Variants in PANX1 observed in about 807,000 individuals in gnomAD.
The protein encoded by PANX1 is pannexin-1.
PANX1 carries 30 observed loss-of-function variants against 38.7 expected under a neutral mutation model. That is an observed-to-expected ratio of 0.78 (90% CI 0.58 to 1.05). PANX1 has a LOEUF of 1.05. Among genes scored for constraint, PANX1 ranks in the 50% least tolerant of loss-of-function variants. The pLI, the probability that PANX1 is intolerant of heterozygous loss-of-function variation, is 0.00. For synonymous variants in PANX1, 230 were observed against 212.2 expected (o/e 1.08, Z -0.73); for missense variants, 551 against 517.2 (o/e 1.07, Z -0.63).
intron 1 of PANX1, among the ~76,000 whole-genome samples, chr11:94,132,230 A>T (rs944603438): frequency 6.6e-6 from 1 of 152,226 alleles, no homozygotes; most frequent in South Asian, 2.1e-4. Flanking sequence ...CACACGTAGG[A>T]CATAAGAATC....
intron 1 of PANX1, among the ~76,000 whole-genome samples, chr11:94,153,260 G>A (rs567068565): frequency 6.6e-6 from 1 of 152,120 alleles, no homozygotes; most frequent in East Asian, 1.9e-4. Context: ...CTTCTTTTAA[G>A]AATTTTTCCC....
At chr11:94,160,151 G>A (rs1947006899) in intron 2 of PANX1, among the ~76,000 whole-genome samples, 1 of 152,056 alleles carries the variant, frequency 6.6e-6, no homozygotes, top group Non-Finnish European at 1.5e-5. Context: ...CTTCAACTAT[G>A]TGGTCAATTT....
intron 2 of PANX1, among the ~76,000 whole-genome samples, chr11:94,164,054 T>A (rs1482007134): frequency 3.3e-5 from 5 of 152,108 alleles, no homozygotes; most frequent in Non-Finnish European, 4.4e-5. Context: ...ATCCTTTGAA[T>A]TTCTGTGGTA....
intron 1 of PANX1, among the ~76,000 whole-genome samples, chr11:94,144,485 C>T (rs1946803953): frequency 6.6e-6 from 1 of 152,170 alleles, no homozygotes; most frequent in Non-Finnish European, 1.5e-5. Flanking sequence ...AGCAGTCTTT[C>T]TGACTCCACA....
chr11:94,136,300 A>C (rs1323657843), intron 1 of PANX1, among the ~76,000 whole-genome samples: 2 of 152,198 alleles, frequency 1.3e-5, no homozygotes, highest in African/African-American at 2.4e-5. Context: ...CTTGGTTTTA[A>C]GAAAGAAAGG....
At position 94,129,205 on chromosome 11, in the gene PANX1, G is replaced by GGAAAGC; in HGVS notation, c.-101_-96dup. The stretch of plus-strand genomic sequence containing the variant: ...AGGCGGGATGCGGGAGCAGGCAAAG[G>GGAAAGC]GAAAGCGAAAGCCGCGCGCCCGGCC... On this transcript the variant is annotated 5_prime_UTR_variant, in exon 1 of 5. Transcript: ENST00000227638. 1 of 909,676 alleles carries GGAAAGC rather than the reference G, an allele frequency of 1.1e-6. No individual in the cohort carries two copies. The highest frequency in any genetic ancestry group is 1.6e-6 in the Non-Finnish European group (1 of 608,700). The allele number at this position is 909,676 out of a possible 1,614,324, so 56.4% of individuals were successfully genotyped here.
chr11:94,178,751 A>T (rs1252985027), intron 3 of PANX1, among the ~76,000 whole-genome samples, 159 bp downstream of exon 3: 1 of 152,028 alleles, frequency 6.6e-6, no homozygotes, highest in East Asian at 1.9e-4. Context: ...GTATCCCGGG[A>T]TGTCCACTCT....
chr11:94,174,767 G>T (rs1257281509), intron 2 of PANX1, among the ~76,000 whole-genome samples: 1 of 151,648 alleles, frequency 6.6e-6, no homozygotes, highest in Non-Finnish European at 1.5e-5. Flanking sequence ...TTTAGGGGAG[G>T]AGTTGTTCAG....
intron 1 of PANX1, among the ~76,000 whole-genome samples, chr11:94,142,606 TACCC>T (rs913479236): frequency 1.3e-5 from 2 of 152,254 alleles, no homozygotes; most frequent in African/African-American, 2.4e-5. Flanking sequence ...GTTCAGTCAT[TACCC>T]TTATGTGATT....
chr11:94,177,650 C>T lies in PANX1; in HGVS notation c.322-719C>T, dbSNP rs935128178. ...CCTGGTTACTGGGGTGCTCCTCACC[C>T]TCTCTGACGTGTGAATCCCCTCTTG... On this transcript the variant is annotated intron_variant, in intron 2 of 4. Coordinates refer to ENST00000227638, the MANE Select transcript of PANX1 (RefSeq NM_015368.4). Among the ~76,000 whole-genome samples the T allele has an allele frequency of 4.7e-5, 7 of 148,274 alleles. 1 individual carries two copies. Among genetic ancestry groups the T allele is most frequent in the Non-Finnish European group, 9.2e-5 (6 of 65,242 alleles).
At chr11:94,158,046 A>T (rs986065268) in intron 2 of PANX1, among the ~76,000 whole-genome samples, 3 of 152,098 alleles carry the variant, frequency 2.0e-5, no homozygotes, top group African/African-American at 7.2e-5. Flanking sequence ...CAAATATCAG[A>T]TGGTTGTAGA....
intron 1 of PANX1, among the ~76,000 whole-genome samples, chr11:94,132,894 T>C (rs1055262565): frequency 6.6e-6 from 1 of 152,250 alleles, no homozygotes; most frequent in Non-Finnish European, 1.5e-5. Context: ...GTGCATGGAT[T>C]GTGCTTTAGA....
intron 2 of PANX1, among the ~76,000 whole-genome samples, chr11:94,158,488 GTATTT>G (rs1435406838): frequency 6.6e-6 from 1 of 151,756 alleles, no homozygotes; most frequent in African/African-American, 2.4e-5. Context: ...GGATTCCTAG[GTATTT>G]TATTCTCTTT....
intron 1 of PANX1, among the ~76,000 whole-genome samples, chr11:94,142,335 G>A (rs116783743): frequency 2.0e-5 from 3 of 152,136 alleles, no homozygotes; most frequent in Admixed American, 2.0e-4. Flanking sequence ...TACCACTGGG[G>A]ACTTGAAAAC....
At chr11:94,160,416 G>T (rs1022035354) in intron 2 of PANX1, among the ~76,000 whole-genome samples, 1 of 152,080 alleles carries the variant, frequency 6.6e-6, no homozygotes, top group Non-Finnish European at 1.5e-5. Flanking sequence ...CTCCTGTATT[G>T]GGTGCATATA....
chr11:94,144,532 A>C (rs181770093), intron 1 of PANX1, among the ~76,000 whole-genome samples: 1 of 151,816 alleles, frequency 6.6e-6, no homozygotes, highest in Non-Finnish European at 1.5e-5. Flanking sequence ...GGGTTCTCAC[A>C]CTCCAGCCAT....
chr11:94,147,430 G>GC (rs1555073058), intron 1 of PANX1, among the ~76,000 whole-genome samples: 1 of 152,086 alleles, frequency 6.6e-6, no homozygotes, highest in Non-Finnish European at 1.5e-5. Flanking sequence ...AATTATATGG[G>GC]TTTTTTCTGT....
chr11:94,175,860 C>T lies in PANX1; in HGVS notation c.322-2509C>T, dbSNP rs903300213. 36 of 984,714 alleles carry T rather than the reference C, an allele frequency of 3.7e-5. 1 individual carries two copies. Among genetic ancestry groups the T allele is most frequent in the Non-Finnish European group, 4.3e-5 (36 of 829,916 alleles). The allele number at this position is 984,714 out of a possible 1,614,324, so 61.0% of individuals were successfully genotyped here. A position where few individuals can be genotyped will look rare whatever the true frequency, so the allele number is the denominator to read the frequency against. Reference sequence around the variant, plus strand: ...ACTTTTGAAACACCTCATCCCGTGCCAGAATGCCAAAGTAAAGCAGCTGTC... The same window carrying T: ...ACTTTTGAAACACCTCATCCCGTGCTAGAATGCCAAAGTAAAGCAGCTGTC... On this transcript the variant is annotated intron_variant, in intron 2 of 4. Transcript: ENST00000227638.
chr11:94,131,548 A>C (rs1480993157), intron 1 of PANX1, among the ~76,000 whole-genome samples: 1 of 152,348 alleles, frequency 6.6e-6, no homozygotes, highest in East Asian at 1.9e-4. Flanking sequence ...GCACCCAGCC[A>C]GGTGTTGAGC....
Sources: gnomAD v4.1 joint callset for allele counts (sites outside exome capture counted in the v4.1 genomes callset) on GRCh38, gnomAD v4.1.1 for gene constraint, MANE v1.5 for transcripts, NCBI Gene and HGNC (gene_info 2026-07-23, HGNC 2026-07-21) for gene names.